MEI4: variants seen among roughly 807,000 people sequenced by gnomAD.
MEI4 encodes the protein meiotic double-stranded break formation protein 4.
MEI4 carries 27 observed loss-of-function variants against 31.4 expected under a neutral mutation model. The ratio of observed to expected loss-of-function variants is 0.86; its 90% CI spans 0.63 to 1.19. The LOEUF is 1.19. MEI4 is among the 50% of genes most tolerant of loss of function. MEI4 has a pLI of 0.00. For synonymous variants in MEI4, 122 were observed against 145.4 expected (o/e 0.84, Z 1.16); for missense variants, 329 against 398.9 (o/e 0.82, Z 1.49).
In MEI4 at chr6:77,923,317, T is replaced by C; in HGVS notation, c.1129T>C (p.Ser377Pro). ...ATGGAGAGTGGGCATTCTTTTGAGC[T>C]CAGCACAGATAGAAACTCTTAGAAA... ...YLWRVGILLS[S>P]AQIETLRK Residue 377 changes from serine to proline, a missense_variant, in exon 5 of 5, where the codon TCA becomes CCA. Transcript: ENST00000684080. 2.4e-6 allele frequency: 3 copies of C among 1,230,042 alleles called. No homozygotes were observed. Among genetic ancestry groups the C allele is most frequent in the Non-Finnish European group, 3.0e-6 (3 of 986,486 alleles). 76.2% of individuals were successfully genotyped at this position (1,230,042 alleles called of 1,614,324 possible). A position where few individuals can be genotyped will look rare whatever the true frequency, so the allele number is the denominator to read the frequency against.
chr6:77,659,494 T>TG (rs1375274295), intron 1 of MEI4, among the ~76,000 whole-genome samples: 1 of 152,102 alleles, frequency 6.6e-6, no homozygotes, highest in African/African-American at 2.4e-5. Flanking sequence ...TGGGGACTGA[T>TG]GGGGTAACTG....
chr6:77,812,972 TG>T (rs1013726300), intron 3 of MEI4, among the ~76,000 whole-genome samples: 5 of 151,932 alleles, frequency 3.3e-5, no homozygotes, highest in African/African-American at 1.2e-4. Flanking sequence ...AGCAGGGACA[TG>T]GTTGGGATTG....
chr6:77,919,287 T>C (rs1361798183), intron 4 of MEI4, among the ~76,000 whole-genome samples: 1 of 152,014 alleles, frequency 6.6e-6, no homozygotes, highest in Non-Finnish European at 1.5e-5. Flanking sequence ...ACAGAGATTA[T>C]AACAAACTAT....
At position 77,761,113 on chromosome 6, in the gene MEI4, A is replaced by C; in HGVS notation, c.233-17A>C. 2 of 1,230,908 alleles carry C rather than the reference A, an allele frequency of 1.6e-6. No individual in the cohort carries two copies. The highest frequency in any genetic ancestry group is 2.0e-6 in the Non-Finnish European group (2 of 986,932). The allele number at this position is 1,230,908 out of a possible 1,614,324, so 76.2% of individuals were successfully genotyped here. A position where few individuals can be genotyped will look rare whatever the true frequency, so the allele number is the denominator to read the frequency against. Reference sequence around the variant, plus strand: ...TCAGCTGCATGAAGATAATCCTTCTATTCCTTTATTTTTCAGGATACGTTT... The same window carrying C: ...TCAGCTGCATGAAGATAATCCTTCTCTTCCTTTATTTTTCAGGATACGTTT... On this transcript the variant is annotated splice_polypyrimidine_tract_variant and intron_variant, in intron 2 of 4. Transcript: ENST00000684080.
At chr6:77,776,212 T>G (rs776903810) in intron 3 of MEI4, among the ~76,000 whole-genome samples, 27 of 152,122 alleles carry the variant, frequency 1.8e-4, no homozygotes, top group Non-Finnish European at 3.7e-4. Context: ...AAGCAAAGAC[T>G]CTTTTTCTAA....
At chr6:77,799,355 CT>C (rs1219369090) in intron 3 of MEI4, among the ~76,000 whole-genome samples, 1 of 150,770 alleles carries the variant, frequency 6.6e-6, no homozygotes, top group Admixed American at 6.6e-5. Flanking sequence ...TTTTTTTCTT[CT>C]AAATTTGTTT....
At chr6:77,783,694 AT>A (rs1019530585) in intron 3 of MEI4, among the ~76,000 whole-genome samples, 72 of 152,144 alleles carry the variant, frequency 4.7e-4, no homozygotes, top group African/African-American at 1.7e-3. Flanking sequence ...TATGGTAAGC[AT>A]TTTTTATGAG....
intron 3 of MEI4, among the ~76,000 whole-genome samples, chr6:77,821,685 C>T (rs906209672): frequency 1.3e-5 from 2 of 151,424 alleles, no homozygotes; most frequent in African/African-American, 4.9e-5. Context: ...CTTCCAGCTA[C>T]TCAGGAGGCC....
chr6:77,703,156 G>A (rs1353034646), intron 2 of MEI4, among the ~76,000 whole-genome samples: 1 of 152,158 alleles, frequency 6.6e-6, no homozygotes, highest in Non-Finnish European at 1.5e-5. Flanking sequence ...GGACATGTTC[G>A]GTGGTTATTT....
intron 3 of MEI4, among the ~76,000 whole-genome samples, chr6:77,807,732 A>G (rs1017590979): frequency 6.6e-6 from 1 of 152,164 alleles, no homozygotes; most frequent in African/African-American, 2.4e-5. Context: ...TCCAAAATGC[A>G]CATGCCTGGG....
rs9443435 is a variant in MEI4, at chr6:77,684,121, C to T, written c.-14-6537C>T. 7.0e-3 allele frequency among the ~76,000 whole-genome samples: 1,062 copies of T among 152,182 alleles called. 14 individuals carry two copies. Among genetic ancestry groups the T allele is most frequent in the African/African-American group, 0.024 (1,002 of 41,538 alleles). ...TTAATTTGCATTTCCCTAATGATTA[C>T]TGATGTTGAGCTTTTTAAAAAGTAC... On this transcript the variant is annotated intron_variant, in intron 1 of 4. Transcript: ENST00000684080.
intron 4 of MEI4, among the ~76,000 whole-genome samples, chr6:77,848,720 A>G (rs888546463): frequency 1.3e-5 from 2 of 152,164 alleles, no homozygotes; most frequent in African/African-American, 2.4e-5. Flanking sequence ...GTGCAGAGCC[A>G]GGTCAAGGAG....
Position 77,703,291 on chromosome 6 carries a change from G to A in MEI4, c.232+12388G>A, listed in dbSNP as rs144987214. On this transcript the variant is annotated intron_variant, in intron 2 of 4. Transcript: ENST00000684080. ...TAACAGTGGAAGTAGAATACAGAGA[G>A]CAACATCCTGAATCCAGGATCGAGA... 1.4e-3 allele frequency among the ~76,000 whole-genome samples: 213 copies of A among 152,302 alleles called. 1 individual carries two copies. Among genetic ancestry groups the A allele is most frequent in the African/African-American group, 4.5e-3 (187 of 41,552 alleles).
rs1312565423 is a variant in MEI4, at chr6:77,925,374, T to G, written c.*2028T>G. On this transcript the variant is annotated 3_prime_UTR_variant, in exon 5 of 5. Transcript: ENST00000684080. Reference sequence around the variant, plus strand: ...TAACTTCCACCAAGTATATGATACTTTAATTATCCTGGGTTTCAGTCTATA... The same window carrying G: ...TAACTTCCACCAAGTATATGATACTGTAATTATCCTGGGTTTCAGTCTATA... 1.3e-5 allele frequency: 2 copies of G among 151,884 alleles called. No homozygotes were observed. Among genetic ancestry groups the G allele is most frequent in the African/African-American group, 4.8e-5 (2 of 41,398 alleles). The allele number at this position is 151,884 out of a possible 1,614,324, so 9.4% of individuals were successfully genotyped here.
At chr6:77,897,334 C>G (rs1302468107) in intron 4 of MEI4, among the ~76,000 whole-genome samples, 1 of 151,840 alleles carries the variant, frequency 6.6e-6, no homozygotes, top group Admixed American at 6.6e-5. Context: ...ACAAATCATC[C>G]TTTTCTTTTT....
intron 2 of MEI4, among the ~76,000 whole-genome samples, chr6:77,733,709 A>C (rs1350527462): frequency 6.6e-6 from 1 of 151,704 alleles, no homozygotes; most frequent in Non-Finnish European, 1.5e-5. Context: ...AGTTCTTTTA[A>C]TTGTGATGTT....
intron 1 of MEI4, among the ~76,000 whole-genome samples, chr6:77,666,951 A>C (rs1353959320): frequency 6.6e-6 from 1 of 151,992 alleles, no homozygotes; most frequent in East Asian, 1.9e-4. Context: ...GGAAGAAACA[A>C]GATGTCCACA....
chr6:77,756,546 A>G (rs1230634411), intron 2 of MEI4, among the ~76,000 whole-genome samples: 1 of 151,586 alleles, frequency 6.6e-6, no homozygotes, highest in Non-Finnish European at 1.5e-5. Flanking sequence ...GCTTTTTTTT[A>G]GCTGATTTTA....
intron 4 of MEI4, among the ~76,000 whole-genome samples, chr6:77,871,371 GT>G (rs1771186328): frequency 6.6e-6 from 1 of 152,154 alleles, no homozygotes; most frequent in South Asian, 2.1e-4. Flanking sequence ...TTTAAATTGA[GT>G]TTTATTTTGT....
Sources: allele counts gnomAD v4.1 joint callset (sites outside exome capture counted in the v4.1 genomes callset), GRCh38; gene constraint gnomAD v4.1.1; transcripts MANE v1.5; gene names NCBI Gene and HGNC (gene_info 2026-07-23, HGNC 2026-07-21).